The following CDK11B variants were observed in gnomAD, a reference collection of about 807,000 sequenced individuals.
CDK11B encodes the protein cyclin dependent kinase 11B.
Under a neutral mutation model 84.0 loss-of-function variants are expected in CDK11B, and 37 were observed. The observed-to-expected ratio is 0.44, with a 90% confidence interval of 0.34 to 0.58. The LOEUF is 0.58. Among genes scored for constraint, CDK11B ranks in the 20% least tolerant of loss-of-function variants. CDK11B has a pLI of 0.02. For synonymous variants in CDK11B, 269 were observed against 309.8 expected, an observed-to-expected ratio of 0.87 and a Z score of 1.38; for missense variants, 427 against 834.0, an observed-to-expected ratio of 0.51 and a Z score of 6.01.
intron 5 of CDK11B, among the ~76,000 whole-genome samples, chr1:1,648,925 C>T (rs1282716613): frequency 2.6e-5 from 4 of 152,140 alleles, no homozygotes; most frequent in South Asian, 4.1e-4. Flanking sequence ...TGAGCCACCG[C>T]GCCCGGCCGG....
At chr1:1,656,470 A>G (rs1642762284) in intron 2 of CDK11B, among the ~76,000 whole-genome samples, 1 of 152,090 alleles carries the variant, frequency 6.6e-6, no homozygotes, top group Non-Finnish European at 1.5e-5. Flanking sequence ...CAGCCTGGGC[A>G]ATGGAGCAAG....
At chr1:1,653,459 T>G (rs1381596037) in intron 3 of CDK11B, among the ~76,000 whole-genome samples, 1 of 152,016 alleles carries the variant, frequency 6.6e-6, no homozygotes, top group Non-Finnish European at 1.5e-5. Context: ...TAGCTGTGAC[T>G]ACAGGTGTAC....
At chr1:1,652,713 C>T (rs1436685800) in intron 3 of CDK11B, 147 bp from the exon 4 acceptor site, 9 of 601,282 alleles carry the variant, frequency 1.5e-5, no homozygotes, top group Non-Finnish European at 2.1e-5. Context: ...ATTAATTCTC[C>T]AACTTTAGGC....
intron 4 of CDK11B, 32 bp from the exon 5 acceptor site, chr1:1,649,669 C>T (rs1378960654): frequency 4.3e-5 from 69 of 1,605,544 alleles, no homozygotes; most frequent in Non-Finnish European, 5.4e-5. Context: ...TGCAAAGAAA[C>T]CTCACTTCAA....
intron 5 of CDK11B, among the ~76,000 whole-genome samples, chr1:1,648,603 C>G (rs1204798752): frequency 6.6e-6 from 1 of 151,894 alleles, no homozygotes; most frequent in African/African-American, 2.4e-5. Flanking sequence ...TGGGCCTGCT[C>G]CCACCTGGCC....
intron 11 of CDK11B, among the ~76,000 whole-genome samples, chr1:1,638,831 G>C (rs1234451390): frequency 6.6e-6 from 1 of 152,026 alleles, no homozygotes. Flanking sequence ...CCAGGTGCAA[G>C]GGCTCAGGCC....
At chr1:1,643,554 T>C (rs1025723236) in intron 6 of CDK11B, among the ~76,000 whole-genome samples, 1 of 147,958 alleles carries the variant, frequency 6.8e-6, no homozygotes, top group Non-Finnish European at 1.5e-5. Context: ...TTTAGGGAAC[T>C]GTCTTAACCT....
At chr1:1,651,393 G>A (rs1399709322) in intron 4 of CDK11B, among the ~76,000 whole-genome samples, 32 of 151,684 alleles carry the variant, frequency 2.1e-4, no homozygotes, top group African/African-American at 5.8e-4. Flanking sequence ...TGTGATACAC[G>A]CATGCTTTCA....
At chr1:1,655,973 A>T (rs1239945961) in intron 2 of CDK11B, among the ~76,000 whole-genome samples, 1 of 152,208 alleles carries the variant, frequency 6.6e-6, no homozygotes, top group Non-Finnish European at 1.5e-5. Flanking sequence ...TGAGATGAGA[A>T]ATTTAAAAAT....
intron 10 of CDK11B, 123 bp downstream of exon 10, chr1:1,640,925 C>T (rs1351261491): frequency 1.6e-5 from 22 of 1,417,252 alleles, no homozygotes; most frequent in South Asian, 1.1e-4. Context: ...GAGCGGCCAA[C>T]GAATCAGGCG....
chr1:1,651,436 G>A (rs1419608767), intron 4 of CDK11B, among the ~76,000 whole-genome samples: 1 of 71,252 alleles, frequency 1.4e-5, no homozygotes, highest in Non-Finnish European at 2.7e-5. Context: ...CCCTCTGAAC[G>A]GTCTGTGACA....
intron 3 of CDK11B, among the ~76,000 whole-genome samples, chr1:1,653,900 T>G (rs1269335445): frequency 2.0e-5 from 3 of 149,876 alleles, no homozygotes; most frequent in Non-Finnish European, 4.4e-5. Context: ...TCCCAGCTAC[T>G]CAGGAGTCTG....
At chr1:1,640,882 G>A (rs1161009677) in intron 10 of CDK11B, among the ~76,000 whole-genome samples, 166 bp downstream of exon 10, 2 of 151,076 alleles carry the variant, frequency 1.3e-5, no homozygotes, top group Admixed American at 6.6e-5. Context: ...ACTGTGCCTC[G>A]CTGAGGAATG....
intron 10 of CDK11B, among the ~76,000 whole-genome samples, chr1:1,640,666 C>T (rs1346365006): frequency 1.3e-5 from 2 of 152,094 alleles, no homozygotes; most frequent in African/African-American, 2.4e-5. Context: ...TGGGAGGAGG[C>T]GTCGGGTGTC....
At chr1:1,637,577 T>C (rs28688376) in intron 13 of CDK11B, 64 bp from the exon 14 acceptor site, 411,095 of 1,580,472 alleles carry the variant, frequency 0.26, 55,894 homozygotes, top group African/African-American at 0.35. Flanking sequence ...TGCACCCGGG[T>C]GCAGCTGCTG....
chr1:1,636,873 G>A, intron 16 of CDK11B, 24 bp downstream of exon 16: 3 of 1,610,700 alleles, frequency 1.9e-6, no homozygotes, highest in African/African-American at 2.7e-5. Context: ...GGACAGGGGA[G>A]GCACTCAGAC....
intron 2 of CDK11B, among the ~76,000 whole-genome samples, chr1:1,655,962 CTGAGA>C (rs1402100824): frequency 1.3e-5 from 2 of 152,104 alleles, no homozygotes; most frequent in South Asian, 2.1e-4. Context: ...AATCTGAAAC[CTGAGA>C]TGAGAAATTT....
At chr1:1,651,875 T>A (rs1263536485) in intron 4 of CDK11B, among the ~76,000 whole-genome samples, 1 of 150,138 alleles carries the variant, frequency 6.7e-6, no homozygotes, top group Non-Finnish European at 1.5e-5. Flanking sequence ...CCCTTCTGAA[T>A]GGTCTGTGAC....
chr1:1,653,860 AC>A (rs1379895366), intron 3 of CDK11B, among the ~76,000 whole-genome samples: 8,488 of 146,650 alleles, frequency 0.058, 778 homozygotes, highest in African/African-American at 0.21. Flanking sequence ...ACACACACAC[AC>A]ACCCGAGCGT....
Sources: gnomAD v4.1 joint callset for allele counts (sites outside exome capture counted in the v4.1 genomes callset) on GRCh38, gnomAD v4.1.1 for gene constraint, MANE v1.5 for transcripts, NCBI Gene and HGNC (gene_info 2026-07-23, HGNC 2026-07-21) for gene names.